GRIP1: variants seen among roughly 807,000 people sequenced by gnomAD.
The protein encoded by GRIP1 is glutamate receptor interacting protein 1, also known as glutamate receptor-interacting protein 1.
GRIP1 carries 45 observed loss-of-function variants against 129.9 expected under a neutral mutation model. The ratio of observed to expected loss-of-function variants is 0.35; its 90% confidence interval spans 0.27 to 0.44. The LOEUF is 0.44. Ranked by LOEUF, GRIP1 falls within the 20% of genes least tolerant of loss-of-function variation. The pLI is 1.00. For synonymous variants in GRIP1, 530 were observed against 520.8 expected, an observed-to-expected ratio of 1.02 and a Z score of -0.24; for missense variants, 1,196 against 1,396.8, an observed-to-expected ratio of 0.86 and a Z score of 2.29.
At chr12:66,361,616 T>A (rs922235509) in intron 23 of GRIP1, among the ~76,000 whole-genome samples, 5 of 152,194 alleles carry the variant, frequency 3.3e-5, no homozygotes, top group Non-Finnish European at 5.9e-5. Flanking sequence ...GCCAGCTCCA[T>A]TGCTGGTCTT....
chr12:66,472,897 G>A (rs957566286), intron 7 of GRIP1, among the ~76,000 whole-genome samples: 17 of 152,200 alleles, frequency 1.1e-4, no homozygotes, highest in African/African-American at 3.9e-4. Flanking sequence ...AAACTGGGCG[G>A]CCACTTGGAC....
chr12:66,525,482 A>C (rs1344757705), intron 5 of GRIP1, among the ~76,000 whole-genome samples: 6,648 of 151,186 alleles, frequency 0.044, 381 homozygotes, highest in African/African-American at 0.15. Context: ...ATTCAACAAC[A>C]CTTCATGCTA....
intron 2 of GRIP1, among the ~76,000 whole-genome samples, chr12:66,580,099 T>C (rs1184297286): frequency 1.3e-5 from 2 of 148,610 alleles, no homozygotes; most frequent in Non-Finnish European, 3.0e-5. Flanking sequence ...TGGGGGCCAA[T>C]ATTCAACATT....
intron 1 of GRIP1, among the ~76,000 whole-genome samples, chr12:66,900,419 A>C (rs149826963): frequency 6.9e-4 from 105 of 152,270 alleles, no homozygotes; most frequent in African/African-American, 2.3e-3. Context: ...ATGAAGCAGG[A>C]AACAGCCCTC....
At chr12:67,004,505 A>G (rs543392682) in intron 1 of GRIP1, among the ~76,000 whole-genome samples, 2 of 152,236 alleles carry the variant, frequency 1.3e-5, no homozygotes, top group Non-Finnish European at 2.9e-5. Context: ...TTTGATGAGG[A>G]CTCCAGGAAA....
chr12:66,615,553 G>A (rs902492484), intron 1 of GRIP1, among the ~76,000 whole-genome samples: 1 of 152,130 alleles, frequency 6.6e-6, no homozygotes, highest in Non-Finnish European at 1.5e-5. Flanking sequence ...ACTCTACATA[G>A]CAAGTAAAAA....
At chr12:67,051,243 T>C (rs886883355) in intron 1 of GRIP1, among the ~76,000 whole-genome samples, 7 of 151,932 alleles carry the variant, frequency 4.6e-5, no homozygotes, top group Non-Finnish European at 8.8e-5. Flanking sequence ...GACTACAACC[T>C]GTGGGATGCC....
chr12:66,984,543 CACA>C (rs1185814426), intron 1 of GRIP1, among the ~76,000 whole-genome samples: 2 of 152,170 alleles, frequency 1.3e-5, no homozygotes, highest in African/African-American at 2.4e-5. Context: ...ATTTAATCCT[CACA>C]ACAACTCTAT....
intron 1 of GRIP1, among the ~76,000 whole-genome samples, chr12:67,049,148 C>A (rs1454678918): frequency 6.6e-6 from 1 of 152,052 alleles, no homozygotes; most frequent in African/African-American, 2.4e-5. Flanking sequence ...TTAGAACATA[C>A]GTGGGATCAT....
Position 67,043,269 on chromosome 12 carries a change from G to A in GRIP1, c.58+25781C>T, listed in dbSNP as rs371612383. On this transcript the variant is annotated intron_variant, in intron 1 of 1. Transcript: ENST00000643019. Reference sequence around the variant, plus strand: ...CTTTATTACACAGAATTCTCTTCTGGAGCCTGCTGATAGGAGGAATCGCTA... The same window carrying A: ...CTTTATTACACAGAATTCTCTTCTGAAGCCTGCTGATAGGAGGAATCGCTA... Among the ~76,000 whole-genome samples, 3 of 152,224 alleles carry A rather than the reference G, an allele frequency of 2.0e-5. No individual in the cohort carries two copies. The East Asian group carries it at 5.8e-4, about 29-fold the overall frequency.
chr12:66,750,116 A>G (rs1181700039), intron 1 of GRIP1, among the ~76,000 whole-genome samples: 1 of 152,152 alleles, frequency 6.6e-6, no homozygotes, highest in Non-Finnish European at 1.5e-5. Flanking sequence ...CTTCTCTCTA[A>G]TGAGCAGAGA....
At chr12:66,558,048 C>A (rs573031609) in intron 2 of GRIP1, among the ~76,000 whole-genome samples, 1 of 151,920 alleles carries the variant, frequency 6.6e-6, no homozygotes, top group Non-Finnish European at 1.5e-5. Context: ...TTTGAATAAA[C>A]AAAATTGATA....
At chr12:67,024,356 T>C (rs1459014156) in intron 1 of GRIP1, among the ~76,000 whole-genome samples, 1 of 152,086 alleles carries the variant, frequency 6.6e-6, no homozygotes, top group African/African-American at 2.4e-5. Flanking sequence ...AGGACAGACC[T>C]GCAGCCATAG....
chr12:66,974,770 A>G (rs527801823), intron 1 of GRIP1, among the ~76,000 whole-genome samples: 15 of 152,338 alleles, frequency 9.8e-5, no homozygotes, highest in African/African-American at 3.6e-4. Context: ...CAGGTCATAG[A>G]CAGAGGCACA....
At chr12:66,548,881 T>A (rs1034201475) in intron 2 of GRIP1, among the ~76,000 whole-genome samples, 2 of 152,112 alleles carry the variant, frequency 1.3e-5, no homozygotes, top group African/African-American at 4.8e-5. Flanking sequence ...TTAAAATACT[T>A]TTCATCACAC....
intron 1 of GRIP1, among the ~76,000 whole-genome samples, chr12:66,598,535 T>G (rs1360075706): frequency 6.6e-6 from 1 of 152,184 alleles, no homozygotes; most frequent in Non-Finnish European, 1.5e-5. Flanking sequence ...AAATACAAAA[T>G]GTAAACATTA....
upstream of GRIP1, among the ~76,000 whole-genome samples, chr12:66,681,328 T>C (rs1307063056): frequency 3.9e-5 from 6 of 152,168 alleles, no homozygotes; most frequent in African/African-American, 1.4e-4. Context: ...CTTCTTGCCC[T>C]AAACCCTTTG....
chr12:67,047,051 A>C (rs1431381052), intron 1 of GRIP1, among the ~76,000 whole-genome samples: 2 of 152,192 alleles, frequency 1.3e-5, no homozygotes, highest in Non-Finnish European at 2.9e-5. Context: ...TATCTGTTCA[A>C]TACACAATTA....
chr12:66,680,041 C>T (rs2034524043), upstream of GRIP1, among the ~76,000 whole-genome samples: 1 of 152,008 alleles, frequency 6.6e-6, no homozygotes, highest in African/African-American at 2.4e-5. Context: ...CCAGAATTCT[C>T]CCACAGGAGT....
Sources: gnomAD v4.1 joint callset for allele counts (sites outside exome capture counted in the v4.1 genomes callset) on GRCh38, gnomAD v4.1.1 for gene constraint, MANE v1.5 for transcripts, NCBI Gene and HGNC (gene_info 2026-07-23, HGNC 2026-07-21) for gene names.